The following GRID1 variants were observed in gnomAD, a reference collection of about 807,000 sequenced individuals.
The protein encoded by GRID1 is glutamate receptor ionotropic, delta-1.
GRID1 carries 28 observed loss-of-function variants against 98.0 expected under a neutral mutation model. That is an observed-to-expected ratio of 0.29 (90% CI 0.21 to 0.39). The LOEUF is 0.39. Among genes scored for constraint, GRID1 ranks in the 10% least tolerant of loss-of-function variants. The pLI is 1.00. For missense variants in GRID1, 1,111 were observed against 1,340.5 expected, an observed-to-expected ratio of 0.83 and a Z score of 2.67; for synonymous variants, 553 against 538.5, an observed-to-expected ratio of 1.03 and a Z score of -0.37.
At chr10:86,129,524 A>G (rs1844803434) in intron 4 of GRID1, among the ~76,000 whole-genome samples, 1 of 152,202 alleles carries the variant, frequency 6.6e-6, no homozygotes, top group African/African-American at 2.4e-5. Flanking sequence ...TGTTGAGAAG[A>G]TTCGGTGAGT....
At chr10:85,989,336 T>A (rs2131866894) in intron 4 of GRID1, among the ~76,000 whole-genome samples, 1 of 152,326 alleles carries the variant, frequency 6.6e-6, no homozygotes, top group African/African-American at 2.4e-5. Context: ...TCCTAAAATC[T>A]GGGGAATCAA....
chr10:85,981,104 C>T (rs1442050486), intron 4 of GRID1, among the ~76,000 whole-genome samples: 1 of 152,094 alleles, frequency 6.6e-6, no homozygotes, highest in Non-Finnish European at 1.5e-5. Flanking sequence ...GCTCACAGCC[C>T]GACAGAGGCC....
chr10:86,040,924 G>C (rs1843336640), intron 4 of GRID1, among the ~76,000 whole-genome samples: 1 of 152,096 alleles, frequency 6.6e-6, no homozygotes, highest in Admixed American at 6.5e-5. Context: ...CAAGATCCAA[G>C]TGCTCAGCAG....
At chr10:86,229,145 C>G (rs1846407620) in intron 2 of GRID1, among the ~76,000 whole-genome samples, 1 of 152,138 alleles carries the variant, frequency 6.6e-6, no homozygotes, top group Non-Finnish European at 1.5e-5. Context: ...CAGCCCCATT[C>G]CCTCAATCTC....
chr10:86,024,607 A>G (rs957437244), intron 4 of GRID1, among the ~76,000 whole-genome samples: 2 of 152,252 alleles, frequency 1.3e-5, no homozygotes, highest in Non-Finnish European at 2.9e-5. Flanking sequence ...GATCTGAGCC[A>G]GGTGAGGGCT....
chr10:85,832,540 TGAA>T (rs1216995929), intron 8 of GRID1, among the ~76,000 whole-genome samples: 4 of 152,166 alleles, frequency 2.6e-5, no homozygotes, highest in Non-Finnish European at 5.9e-5. Context: ...TGAGAGTTTC[TGAA>T]GAAGATGATG....
chr10:86,122,285 G>A (rs1844687604), intron 4 of GRID1, among the ~76,000 whole-genome samples: 1 of 152,216 alleles, frequency 6.6e-6, no homozygotes. Flanking sequence ...GGCCCCAACT[G>A]TTCCCCGCTC....
At chr10:85,919,407 C>T (rs1841668607) in intron 4 of GRID1, among the ~76,000 whole-genome samples, 2 of 152,212 alleles carry the variant, frequency 1.3e-5, no homozygotes, top group African/African-American at 2.4e-5. Context: ...TAGTGCTTTT[C>T]TGCAGCCTTT....
intron 2 of GRID1, among the ~76,000 whole-genome samples, chr10:86,263,175 A>C (rs1352445279): frequency 6.6e-6 from 1 of 152,190 alleles, no homozygotes; most frequent in African/African-American, 2.4e-5. Flanking sequence ...CGTGCCAAAA[A>C]CCAGAACGGT....
At chr10:86,204,232 T>C (rs1384285279) in intron 3 of GRID1, among the ~76,000 whole-genome samples, 1 of 152,180 alleles carries the variant, frequency 6.6e-6, no homozygotes, top group East Asian at 1.9e-4. Flanking sequence ...CATTCCTCCT[T>C]TGTTTTGTGT....
intron 4 of GRID1, among the ~76,000 whole-genome samples, chr10:85,997,708 A>G (rs1842756758): frequency 6.6e-6 from 1 of 152,152 alleles, no homozygotes; most frequent in African/African-American, 2.4e-5. Context: ...GGGAAGACGT[A>G]AATCTAAAGA....
chr10:86,250,926 G>A (rs1050682873), intron 2 of GRID1, among the ~76,000 whole-genome samples: 1 of 152,246 alleles, frequency 6.6e-6, no homozygotes, highest in Non-Finnish European at 1.5e-5. Flanking sequence ...GGGAAAGGAA[G>A]GAGAGATCAG....
At chr10:85,610,385 T>A (rs564175239) in intron 15 of GRID1, among the ~76,000 whole-genome samples, 19 of 152,240 alleles carry the variant, frequency 1.2e-4, no homozygotes, top group Non-Finnish European at 2.2e-4. Flanking sequence ...CCTGCCAGCA[T>A]CTCCTTCCTC....
rs145560728 is a variant in GRID1, at chr10:86,283,153, C to T, written c.236-76505G>A. 6.8e-3 allele frequency among the ~76,000 whole-genome samples: 1,042 copies of T among 152,308 alleles called. 7 individuals carry two copies. Among genetic ancestry groups the T allele is most frequent in the Non-Finnish European group, 0.011 (770 of 68,014 alleles). ...CTGCTGTGTGCCTGGCCAACTCCTC[C>T]AGCTCATCCTCCAAGGCTCTGCTTT... On this transcript the variant is annotated intron_variant, in intron 2 of 15. Transcript: ENST00000327946.
At chr10:85,665,020 G>A (rs751923897) in intron 12 of GRID1, among the ~76,000 whole-genome samples, 57 of 152,230 alleles carry the variant, frequency 3.7e-4, no homozygotes, top group Non-Finnish European at 6.0e-4. Flanking sequence ...AGTATACACT[G>A]TATATTAAAA....
At chr10:86,260,184 G>A (rs761399988) in intron 2 of GRID1, among the ~76,000 whole-genome samples, 3 of 152,168 alleles carry the variant, frequency 2.0e-5, no homozygotes, top group Admixed American at 6.5e-5. Context: ...TACCAACCAC[G>A]TGGCTTCCTT....
At chr10:85,940,820 G>A (rs1347651518) in intron 4 of GRID1, among the ~76,000 whole-genome samples, 2 of 152,212 alleles carry the variant, frequency 1.3e-5, no homozygotes, top group Non-Finnish European at 2.9e-5. Context: ...ACACAAAGAG[G>A]CAGAGCCAGA....
intron 8 of GRID1, among the ~76,000 whole-genome samples, chr10:85,837,308 G>A (rs1419918375): frequency 6.6e-6 from 1 of 152,178 alleles, no homozygotes; most frequent in Non-Finnish European, 1.5e-5. Flanking sequence ...GCACAACAGT[G>A]CACATAGTCT....
chr10:86,169,301 C>T (rs1845446694), intron 3 of GRID1, among the ~76,000 whole-genome samples: 1 of 152,160 alleles, frequency 6.6e-6, no homozygotes, highest in Admixed American at 6.5e-5. Flanking sequence ...ACGCTGTAGC[C>T]CCAGGGGCAG....
Sources: allele counts gnomAD v4.1 joint callset (sites outside exome capture counted in the v4.1 genomes callset), GRCh38; gene constraint gnomAD v4.1.1; transcripts MANE v1.5; gene names NCBI Gene and HGNC (gene_info 2026-07-23, HGNC 2026-07-21).